Variants in SEMA6D observed in about 807,000 individuals in gnomAD.
The protein encoded by SEMA6D is semaphorin 6D.
Under a neutral mutation model 106.6 loss-of-function variants are expected in SEMA6D, and 35 were observed. The ratio of observed to expected loss-of-function variants is 0.33; its 90% CI spans 0.25 to 0.44. The LOEUF (loss-of-function observed/expected upper bound fraction) is 0.44. Among genes scored for constraint, SEMA6D ranks in the 20% least tolerant of loss-of-function variants. SEMA6D has a pLI of 1.00. For synonymous variants in SEMA6D, 499 were observed against 487.7 expected, an observed-to-expected ratio of 1.02 and a Z score of -0.31; for missense variants, 1,185 against 1,345.9, an observed-to-expected ratio of 0.88 and a Z score of 1.87.
intron 4 of SEMA6D, among the ~76,000 whole-genome samples, chr15:47,642,513 A>G (rs2077507205): frequency 6.6e-6 from 1 of 152,206 alleles, no homozygotes; most frequent in Admixed American, 6.5e-5. Context: ...TCGGACACCC[A>G]GAGTCACATT....
At chr15:47,731,979 A>G (rs144713371) in intron 1 of SEMA6D, among the ~76,000 whole-genome samples, 303 of 152,316 alleles carry the variant, frequency 2.0e-3, no homozygotes, top group Admixed American at 3.7e-3. Context: ...TCCTTAACAG[A>G]TTTGAGAAAT....
intron 1 of SEMA6D, among the ~76,000 whole-genome samples, chr15:47,379,914 C>T (rs1055954145): frequency 4.7e-5 from 7 of 150,016 alleles, no homozygotes; most frequent in Admixed American, 1.3e-4. Flanking sequence ...TGCCCCACCA[C>T]GCCTGGCTAA....
chr15:47,354,978 G>C (rs2038509945), intron 1 of SEMA6D, among the ~76,000 whole-genome samples: 1 of 152,146 alleles, frequency 6.6e-6, no homozygotes, highest in African/African-American at 2.4e-5. Context: ...AATCAACTTA[G>C]GACAAGATCT....
intron 2 of SEMA6D, among the ~76,000 whole-genome samples, chr15:47,468,071 T>C (rs2042717507): frequency 6.6e-6 from 1 of 152,168 alleles, no homozygotes; most frequent in South Asian, 2.1e-4. Flanking sequence ...TTGTCACTTA[T>C]TGCACTAGAT....
intron 3 of SEMA6D, among the ~76,000 whole-genome samples, chr15:47,478,879 C>T (rs2043071644): frequency 1.3e-5 from 2 of 152,122 alleles, no homozygotes; most frequent in Admixed American, 6.6e-5. Context: ...GGCAAAGGCA[C>T]ATCTTACATG....
At chr15:47,445,364 G>A (rs1449719051) in intron 2 of SEMA6D, among the ~76,000 whole-genome samples, 3 of 151,910 alleles carry the variant, frequency 2.0e-5, no homozygotes, top group Non-Finnish European at 2.9e-5. Flanking sequence ...CAATTTGGTC[G>A]TAATGTTATC....
intron 1 of SEMA6D, among the ~76,000 whole-genome samples, chr15:47,728,614 G>A (rs528639806): frequency 6.6e-6 from 1 of 152,274 alleles, no homozygotes; most frequent in South Asian, 2.1e-4. Flanking sequence ...TTCCACAAAC[G>A]CATTGGCCTA....
At chr15:47,691,928 G>A (rs147560386) in intron 4 of SEMA6D, among the ~76,000 whole-genome samples, 3 of 152,060 alleles carry the variant, frequency 2.0e-5, no homozygotes, top group African/African-American at 7.2e-5. Context: ...TTTAGATGGA[G>A]CCGTAGAAGA....
intron 4 of SEMA6D, among the ~76,000 whole-genome samples, chr15:47,628,878 G>C (rs571015584): frequency 1.3e-5 from 2 of 152,160 alleles, no homozygotes; most frequent in East Asian, 1.9e-4. Context: ...TCACATGTAA[G>C]TCTGAAATTC....
At chr15:47,308,541 C>T (rs776056997) in intron 1 of SEMA6D, among the ~76,000 whole-genome samples, 8 of 152,120 alleles carry the variant, frequency 5.3e-5, no homozygotes, top group South Asian at 2.1e-4. Flanking sequence ...ATCTTCAGAA[C>T]GAATCCCGTA....
At chr15:47,654,078 A>G (rs778759461) in intron 4 of SEMA6D, among the ~76,000 whole-genome samples, 14 of 152,198 alleles carry the variant, frequency 9.2e-5, no homozygotes, top group African/African-American at 9.7e-5. Context: ...GTCCCACAAA[A>G]TTAGTGTTGT....
chr15:47,553,455 A>G (rs977251851), intron 3 of SEMA6D, among the ~76,000 whole-genome samples: 3 of 152,156 alleles, frequency 2.0e-5, no homozygotes, highest in African/African-American at 7.2e-5. Context: ...CTATCAGCCT[A>G]TCACCCTTTT....
chr15:47,705,572 G>T (rs1224656), intron 4 of SEMA6D, among the ~76,000 whole-genome samples: 49,590 of 151,890 alleles, frequency 0.33, 8,953 homozygotes, highest in Middle Eastern at 0.45. Context: ...GTGGGATCTA[G>T]AATTCATTCT....
intron 1 of SEMA6D, among the ~76,000 whole-genome samples, chr15:47,257,930 A>T (rs1471272402): frequency 6.6e-6 from 1 of 152,100 alleles, no homozygotes; most frequent in African/African-American, 2.4e-5. Flanking sequence ...TTTTGAGGTT[A>T]TGTTTTTTAG....
chr15:47,629,811 T>C (rs570759763), intron 4 of SEMA6D, among the ~76,000 whole-genome samples: 11 of 152,078 alleles, frequency 7.2e-5, no homozygotes, highest in African/African-American at 2.4e-4. Context: ...TTTGTCTTTC[T>C]GTGCCTGGCT....
intron 3 of SEMA6D, among the ~76,000 whole-genome samples, chr15:47,524,045 G>A (rs1225523355): frequency 2.6e-5 from 4 of 152,198 alleles, no homozygotes; most frequent in African/African-American, 4.8e-5. Context: ...AAGGAGAGGC[G>A]AGGGACGTGG....
rs549621424 is a variant in SEMA6D at position 47,374,892 on chromosome 15, T to A, written c.-238-37501T>A. Among the ~76,000 whole-genome samples, 3 of 152,294 alleles carry A rather than the reference T, an allele frequency of 2.0e-5. No individual in the cohort carries two copies. In the South Asian group the frequency reaches 6.2e-4, roughly 32 times the overall value. The stretch of plus-strand genomic sequence containing the variant: ...GCTAAAATGTCTTTACTCCTCCTGA[T>A]CAAATGAAAGGCTAGTTTCTGCAGC... On this transcript the variant is annotated intron_variant, in intron 1 of 19. Coordinates refer to the SEMA6D transcript ENST00000558014.
chr15:47,657,719 C>CTTTTT lies in SEMA6D; in HGVS notation c.-55+56859_-55+56863dup, dbSNP rs71118191. ...CATTTAGTGACAGAGGGCTTCATTT[C>CTTTTT]TTTTTTTTTTTTTTTTTTTTTTTTT... On this transcript the variant is annotated intron_variant, in intron 4 of 19. Coordinates refer to the SEMA6D transcript ENST00000558014. Among the ~76,000 whole-genome samples, 402 of 54,676 alleles carry CTTTTT rather than the reference C, an allele frequency of 7.4e-3. 120 individuals carry two copies. Among genetic ancestry groups the CTTTTT allele is most frequent in the Non-Finnish European group, 8.3e-3 (261 of 31,620 alleles). 35.9% of individuals were successfully genotyped at this position (54,676 alleles called of 152,430 possible).
chr15:47,514,313 G>A (rs2044321004), intron 3 of SEMA6D, among the ~76,000 whole-genome samples: 1 of 152,148 alleles, frequency 6.6e-6, no homozygotes, highest in South Asian at 2.1e-4. Flanking sequence ...CACTCCCTGG[G>A]TGATCTCATC....
Sources: allele counts gnomAD v4.1 joint callset (sites outside exome capture counted in the v4.1 genomes callset), GRCh38; gene constraint gnomAD v4.1.1; transcripts MANE v1.5; gene names NCBI Gene and HGNC (gene_info 2026-07-23, HGNC 2026-07-21).